Variants in FGGY observed in about 807,000 individuals in gnomAD.
FGGY encodes FGGY carbohydrate kinase domain-containing protein.
A neutral mutation model predicts 71.3 loss-of-function variants in FGGY; 72 were observed. The ratio of observed to expected loss-of-function variants is 1.01; its 90% CI spans 0.84 to 1.23. The LOEUF is 1.23. Ranked by LOEUF, FGGY falls within the 50% of genes most tolerant of loss-of-function variation. The pLI is 0.00. For missense variants in FGGY, 668 were observed against 682.3 expected, an observed-to-expected ratio of 0.98 and a Z score of 0.23; for synonymous variants, 251 against 250.3, an observed-to-expected ratio of 1.00 and a Z score of -0.02.
chr1:59,550,415 CAT>C (rs140303471), intron 7 of FGGY, among the ~76,000 whole-genome samples: 10,219 of 152,168 alleles, frequency 0.067, 724 homozygotes, highest in African/African-American at 0.18. Context: ...CTCTCCGACT[CAT>C]GTGGTCTTGC....
At chr1:59,355,722 A>G (rs1456530409) in intron 4 of FGGY, among the ~76,000 whole-genome samples, 1 of 151,950 alleles carries the variant, frequency 6.6e-6, no homozygotes, top group African/African-American at 2.4e-5. Context: ...AGCATCCCCA[A>G]AGCTACACAA....
intron 7 of FGGY, among the ~76,000 whole-genome samples, chr1:59,544,334 A>G (rs1205252086): frequency 6.6e-6 from 1 of 152,226 alleles, no homozygotes; most frequent in Non-Finnish European, 1.5e-5. Context: ...TAATGGTAAT[A>G]AACTGGGGAA....
chr1:59,553,400 T>C (rs11578454), intron 7 of FGGY, among the ~76,000 whole-genome samples: 21,075 of 152,140 alleles, frequency 0.14, 1,752 homozygotes, highest in South Asian at 0.28. Context: ...TTTCTTGTCA[T>C]ATTTATAACT....
chr1:59,352,927 A>T (rs2053581369), intron 4 of FGGY, among the ~76,000 whole-genome samples: 1 of 152,226 alleles, frequency 6.6e-6, no homozygotes, highest in South Asian at 2.1e-4. Flanking sequence ...AATAGATGGC[A>T]GTATGGTGGA....
chr1:59,596,449 T>A (rs1294641939), intron 8 of FGGY, among the ~76,000 whole-genome samples: 3 of 150,540 alleles, frequency 2.0e-5, no homozygotes, highest in Non-Finnish European at 4.4e-5. Context: ...ATTTCAATCT[T>A]TTTTTTTTCT....
chr1:59,644,647 T>C (rs918803124), intron 11 of FGGY, among the ~76,000 whole-genome samples: 1 of 151,130 alleles, frequency 6.6e-6, no homozygotes, highest in African/African-American at 2.4e-5. Flanking sequence ...AAATGCTTAC[T>C]TTTAAAGTAA....
At chr1:59,355,068 G>GTT (rs1275064001) in intron 4 of FGGY, among the ~76,000 whole-genome samples, 1 of 152,250 alleles carries the variant, frequency 6.6e-6, no homozygotes, top group Non-Finnish European at 1.5e-5. Flanking sequence ...AGGGGCAGGA[G>GTT]TTTGAGTTTT....
intron 9 of FGGY, among the ~76,000 whole-genome samples, chr1:59,611,581 A>T (rs2096679908): frequency 6.6e-6 from 1 of 152,164 alleles, no homozygotes. Flanking sequence ...AAATTCTAAA[A>T]ATCAGAGTGC....
At chr1:59,681,052 A>G (rs1162345824) in intron 14 of FGGY, 1 of 152,184 alleles carries the variant, frequency 6.6e-6, no homozygotes, top group African/African-American at 2.4e-5. Context: ...GAGAATGACC[A>G]TACTCACCAG....
chr1:59,685,375 T>C (rs372909347), intron 14 of FGGY, among the ~76,000 whole-genome samples: 158 of 152,198 alleles, frequency 1.0e-3, no homozygotes, highest in African/African-American at 3.7e-3. Flanking sequence ...GCTGCACTGA[T>C]CTTGGCAGTT....
At chr1:59,717,115 G>GA (rs1475895203) in intron 14 of FGGY, among the ~76,000 whole-genome samples, 1 of 152,122 alleles carries the variant, frequency 6.6e-6, no homozygotes, top group Non-Finnish European at 1.5e-5. Context: ...TTACAGATAT[G>GA]AAAATTGAGG....
At chr1:59,406,441 T>C (rs1035171967) in intron 5 of FGGY, among the ~76,000 whole-genome samples, 1 of 152,174 alleles carries the variant, frequency 6.6e-6, no homozygotes, top group African/African-American at 2.4e-5. Context: ...TACTGTGTAG[T>C]GTTCAAGTAC....
chr1:59,751,305 C>G (rs1365994932), intron 14 of FGGY, among the ~76,000 whole-genome samples: 2 of 152,154 alleles, frequency 1.3e-5, no homozygotes, highest in Admixed American at 1.3e-4. Context: ...AAAGCTTAAA[C>G]CAGTAAAATG....
chr1:59,735,646 A>G (rs2098094931), intron 14 of FGGY, among the ~76,000 whole-genome samples: 1 of 152,242 alleles, frequency 6.6e-6, no homozygotes, highest in African/African-American at 2.4e-5. Context: ...GAAGGAAGAC[A>G]GAGCTTAGCA....
intron 5 of FGGY, among the ~76,000 whole-genome samples, chr1:59,448,609 T>C (rs978539036): frequency 2.0e-5 from 3 of 152,202 alleles, no homozygotes; most frequent in Admixed American, 6.5e-5. Flanking sequence ...GAAAGCTTCC[T>C]TCTATAACTG....
chr1:59,491,053 T>TTCCTTTCCTTCCCTCCCTCCCTC (rs1570025870), intron 6 of FGGY, among the ~76,000 whole-genome samples: 1 of 2,038 alleles, frequency 4.9e-4, no homozygotes, highest in Non-Finnish European at 7.2e-4. Flanking sequence ...CTTCCTTCCT[T>TTCCTTTCCTTCCCTCCCTCCCTC]CCTTCCTTCC....
chr1:59,609,163 A>G (rs1035447444), intron 9 of FGGY, among the ~76,000 whole-genome samples: 37 of 152,356 alleles, frequency 2.4e-4, no homozygotes, highest in Middle Eastern at 3.4e-3. Flanking sequence ...GTGAAAAATA[A>G]CGGCTAATTT....
At chr1:59,662,306 C>T (rs1275503847) in intron 12 of FGGY, among the ~76,000 whole-genome samples, 1 of 140,380 alleles carries the variant, frequency 7.1e-6, no homozygotes, top group African/African-American at 2.7e-5. Flanking sequence ...GGTCACAGAG[C>T]GAGACTCCAT....
intron 8 of FGGY, among the ~76,000 whole-genome samples, chr1:59,555,163 A>G (rs1416239386): frequency 6.6e-6 from 1 of 152,248 alleles, no homozygotes; most frequent in Non-Finnish European, 1.5e-5. Context: ...TAAGAATGAC[A>G]TCGGCTCAGT....
Sources: gnomAD v4.1 joint callset for allele counts (sites outside exome capture counted in the v4.1 genomes callset) on GRCh38, gnomAD v4.1.1 for gene constraint, MANE v1.5 for transcripts, NCBI Gene and HGNC (gene_info 2026-07-23, HGNC 2026-07-21) for gene names.